Variants in FBLN5 observed in about 807,000 individuals in gnomAD.
The protein encoded by FBLN5 is fibulin-5.
FBLN5 carries 24 observed loss-of-function variants against 61.6 expected under a neutral mutation model. The ratio of observed to expected loss-of-function variants is 0.39; its 90% CI spans 0.28 to 0.55. The LOEUF (loss-of-function observed/expected upper bound fraction) is 0.55. FBLN5 is among the 20% of genes least tolerant of loss of function. The pLI, the probability that FBLN5 is intolerant of heterozygous loss-of-function variation, is 0.65. For synonymous variants in FBLN5, 213 were observed against 219.8 expected, an observed-to-expected ratio of 0.97 and a Z score of 0.27; for missense variants, 470 against 594.1, an observed-to-expected ratio of 0.79 and a Z score of 2.17.
chr14:91,929,760 T>C (rs1486785664), intron 4 of FBLN5, among the ~76,000 whole-genome samples: 1 of 152,244 alleles, frequency 6.6e-6, no homozygotes, highest in African/African-American at 2.4e-5. Flanking sequence ...ACAGATGAAC[T>C]AGGGCCTTGC....
intron 4 of FBLN5, among the ~76,000 whole-genome samples, chr14:91,895,930 G>A (rs929481890): frequency 5.9e-5 from 9 of 152,056 alleles, no homozygotes; most frequent in African/African-American, 1.9e-4. Flanking sequence ...AGTTCCTGGG[G>A]CTAATCTCTG....
chr14:91,884,844 T>G (rs1463786781), intron 7 of FBLN5, among the ~76,000 whole-genome samples: 1 of 152,224 alleles, frequency 6.6e-6, no homozygotes, highest in Non-Finnish European at 1.5e-5. Flanking sequence ...TCGGTTTATC[T>G]TTGGGTCTGC....
At chr14:91,889,110 G>A (rs1889865747) in intron 6 of FBLN5, among the ~76,000 whole-genome samples, 1 of 152,222 alleles carries the variant, frequency 6.6e-6, no homozygotes, top group Admixed American at 6.5e-5. Context: ...CAGCTGTAGA[G>A]AGAGGGTCTA....
rs2056140787 is a variant in FBLN5, at chr14:91,943,597, T to G, written c.18-636A>C. On this transcript the variant is annotated intron_variant, in intron 1 of 10. Transcript: ENST00000342058. This position sits in a 1 kb window ranked among gnomAD's most constrained non-coding sequence, Gnocchi z 4.0. ...TTCTTTATGCGAGATGTGCTTGACT[T>G]TTGAACATCTTTATGCTGACATGAT... is the stretch of plus-strand genomic sequence containing the variant. Among the ~76,000 whole-genome samples the G allele has an allele frequency of 1.3e-5, 2 of 152,112 alleles. 1 individual carries two copies. Among genetic ancestry groups the G allele is most frequent in the South Asian group, 4.2e-4 (2 of 4,816 alleles).
intron 4 of FBLN5, among the ~76,000 whole-genome samples, chr14:91,912,266 G>T (rs1325826407): frequency 1.3e-5 from 2 of 152,214 alleles, no homozygotes; most frequent in Non-Finnish European, 2.9e-5. Context: ...GAAGGTTAAG[G>T]TGTGAGGATC....
intron 4 of FBLN5, among the ~76,000 whole-genome samples, chr14:91,934,270 CAA>C (rs2090308176): frequency 6.6e-6 from 1 of 152,196 alleles, no homozygotes; most frequent in South Asian, 2.1e-4. Context: ...CACCCTCGAA[CAA>C]ATCTATACCT....
intron 4 of FBLN5, among the ~76,000 whole-genome samples, chr14:91,896,228 A>G (rs1405071520): frequency 2.0e-5 from 3 of 152,126 alleles, no homozygotes; most frequent in African/African-American, 7.2e-5. Flanking sequence ...CCACACTCTC[A>G]CTTTGACCTA....
intron 10 of FBLN5, among the ~76,000 whole-genome samples, chr14:91,876,633 T>C (rs780704418): frequency 6.6e-6 from 1 of 151,988 alleles, no homozygotes; most frequent in Non-Finnish European, 1.5e-5. Context: ...AGGCAGATAT[T>C]GGAGTGATGC....
chr14:91,884,812 G>A (rs1254396733), intron 7 of FBLN5, among the ~76,000 whole-genome samples: 1 of 152,252 alleles, frequency 6.6e-6, no homozygotes, highest in African/African-American at 2.4e-5. Context: ...ACTGGGCAGG[G>A]AGGGGCTGTA....
At chr14:91,893,064 T>C (rs946253359) in intron 5 of FBLN5, among the ~76,000 whole-genome samples, 1 of 152,110 alleles carries the variant, frequency 6.6e-6, no homozygotes, top group Middle Eastern at 3.2e-3. Flanking sequence ...AGGGCTGGTA[T>C]AGCCCGGTCT....
At chr14:91,871,290 C>T (rs1209664560) in intron 10 of FBLN5, among the ~76,000 whole-genome samples, 2 of 150,408 alleles carry the variant, frequency 1.3e-5, no homozygotes, top group East Asian at 3.9e-4. Context: ...TTCCAGGGGC[C>T]CATTCCAAGA....
rs3031540 is a variant in FBLN5, at chr14:91,919,390, A to AAAGGAAGGAAGGAAGG, written c.379+17541_379+17556dup. ...AGAAAAGAAAAGAAAAGAAAGAAAG[A>AAAGGAAGGAAGGAAGG]AAGGAAGGAAGGAAGGAAGGAAGGA... On this transcript the variant is annotated intron_variant, in intron 4 of 10. Coordinates refer to ENST00000342058, the MANE Select transcript of FBLN5 (RefSeq NM_006329.4). 1.8e-3 allele frequency among the ~76,000 whole-genome samples: 181 copies of AAAGGAAGGAAGGAAGG among 99,568 alleles called. 1 individual carries two copies. The highest frequency in any genetic ancestry group is 3.4e-3 in the African/African-American group (94 of 27,958). The allele number at this position is 99,568 out of a possible 152,430, so 65.3% of individuals were successfully genotyped here. A position where few individuals can be genotyped will look rare whatever the true frequency, so the allele number is the denominator to read the frequency against.
intron 10 of FBLN5, among the ~76,000 whole-genome samples, chr14:91,875,979 T>C (rs535984782): frequency 1.8e-4 from 28 of 152,288 alleles, no homozygotes; most frequent in African/African-American, 6.7e-4. Context: ...AAAAAGTCAT[T>C]GACTGTTTCA....
At chr14:91,927,829 G>A (rs1030378666) in intron 4 of FBLN5, among the ~76,000 whole-genome samples, 2 of 152,216 alleles carry the variant, frequency 1.3e-5, no homozygotes, top group Non-Finnish European at 2.9e-5. Flanking sequence ...AACACCACTC[G>A]CTTTTCACAC....
At chr14:91,884,365 A>T (rs1323914057) in intron 7 of FBLN5, among the ~76,000 whole-genome samples, 1 of 152,330 alleles carries the variant, frequency 6.6e-6, no homozygotes, top group South Asian at 2.1e-4. Context: ...CCAGCCCATC[A>T]TAACTGACTG....
At chr14:91,917,987 C>G (rs1427295036) in intron 4 of FBLN5, among the ~76,000 whole-genome samples, 1 of 152,184 alleles carries the variant, frequency 6.6e-6, no homozygotes, top group Non-Finnish European at 1.5e-5. Context: ...GACTAAGCCT[C>G]CCTCTGAAGC....
At chr14:91,930,256 A>G (rs2245701) in intron 4 of FBLN5, among the ~76,000 whole-genome samples, 124,427 of 152,126 alleles carry the variant, frequency 0.82, 51,215 homozygotes, top group East Asian at 0.9. Context: ...TTCCTGTGGC[A>G]GTTGGTACTG....
chr14:91,882,885 C>A lies in FBLN5; in HGVS notation c.862+69G>T. The A allele has an allele frequency of 6.3e-7, 1 of 1,576,600 alleles. No individual in the cohort carries two copies. The highest frequency in any genetic ancestry group is 8.7e-7 in the Non-Finnish European group (1 of 1,151,982). Reference sequence around the variant, plus strand: ...CACATGATTCCCCAGGTGAGGATATCCAGATGAGCCCCTGAAGCAGCTCCA... The same window carrying A: ...CACATGATTCCCCAGGTGAGGATATACAGATGAGCCCCTGAAGCAGCTCCA... On this transcript the variant is annotated intron_variant, in intron 8 of 10. Transcript: ENST00000342058. The surrounding 1 kb of genome is among the most constrained non-coding windows in gnomAD (Gnocchi z 4.9).
intron 4 of FBLN5, among the ~76,000 whole-genome samples, chr14:91,933,480 C>G (rs2055961849): frequency 6.6e-6 from 1 of 152,088 alleles, no homozygotes; most frequent in Non-Finnish European, 1.5e-5. Context: ...GTTGGCCAGG[C>G]TGGTCTCGAA....
Sources: allele counts gnomAD v4.1 joint callset (sites outside exome capture counted in the v4.1 genomes callset), GRCh38; gene constraint gnomAD v4.1.1; non-coding constraint Gnocchi (gnomAD v3.1); transcripts MANE v1.5; gene names NCBI Gene and HGNC (gene_info 2026-07-23, HGNC 2026-07-21).